TBCE: variants seen among roughly 807,000 people sequenced by gnomAD.
TBCE encodes the protein tubulin folding cofactor E.
Under a neutral mutation model 77.0 loss-of-function variants are expected in TBCE, and 53 were observed. The ratio of observed to expected loss-of-function variants is 0.69; its 90% CI spans 0.55 to 0.87. The LOEUF (loss-of-function observed/expected upper bound fraction) is 0.87, where lower values mean the gene tolerates loss of function less well. Ranked by LOEUF, TBCE falls within the 40% of genes least tolerant of loss-of-function variation. TBCE has a pLI of 0.00. For synonymous variants in TBCE, 235 were observed against 241.3 expected (o/e 0.97, Z 0.24); for missense variants, 624 against 622.4 (o/e 1.00, Z -0.03).
intron 3 of TBCE, among the ~76,000 whole-genome samples, 183 bp downstream of exon 3, chr1:235,401,770 CCTT>C (rs1392537129): frequency 6.7e-6 from 1 of 148,586 alleles, no homozygotes; most frequent in African/African-American, 2.5e-5. Flanking sequence ...AGCATTTTTC[CCTT>C]TTTTAAAAAA....
intron 15 of TBCE, among the ~76,000 whole-genome samples, 166 bp from the exon 16 acceptor site, chr1:235,448,183 G>C (rs899105958): frequency 1.8e-4 from 24 of 134,230 alleles, no homozygotes; most frequent in African/African-American, 6.5e-4. Flanking sequence ...CTGGGCGACA[G>C]AGCAAGACTT....
At chr1:235,372,249 G>A (rs1677016167) in intron 1 of TBCE, among the ~76,000 whole-genome samples, 1 of 151,988 alleles carries the variant, frequency 6.6e-6, no homozygotes, top group African/African-American at 2.4e-5. Flanking sequence ...GTTGCAACGG[G>A]ATTTCACCAT....
chr1:235,379,614 A>G (rs540918842), intron 1 of TBCE, among the ~76,000 whole-genome samples: 1 of 151,884 alleles, frequency 6.6e-6, no homozygotes, highest in Non-Finnish European at 1.5e-5. Context: ...ATCACCCTCT[A>G]TAGGCACTTT....
chr1:235,405,031 C>T (rs190346247), intron 3 of TBCE, among the ~76,000 whole-genome samples: 19 of 150,866 alleles, frequency 1.3e-4, no homozygotes, highest in Admixed American at 8.6e-4. Context: ...GGCACAACCT[C>T]GGCTCACTGC....
chr1:235,437,266 T>C lies in TBCE; in HGVS notation c.964-56T>C. The C allele has an allele frequency of 5.0e-6, 8 of 1,612,138 alleles. No individual in the cohort carries two copies. In the East Asian group the frequency reaches 1.3e-4, roughly 27 times the overall value. On this transcript the variant is annotated intron_variant, in intron 11 of 16. Transcript: ENST00000642610. ...CTTTCCTGTTGCTGGTTCAAACTTC[T>C]GCAAAAGTGGCATGAACGTACCGCT...
At position 235,451,227 on chromosome 1, in the gene TBCE, T is replaced by A. The variant is rs529202863; in HGVS notation, c.*2465T>A. On this transcript the variant is annotated 3_prime_UTR_variant, in exon 17 of 17. Transcript: ENST00000642610. ...CACACTCAGCTTGTCTGTCTCAGTC[T>A]TGCCCCTCAGTGGGATGGAAAGGAG... The A allele has an allele frequency of 5.9e-5, 9 of 152,182 alleles. No homozygotes were observed. Among genetic ancestry groups the A allele is most frequent in the Non-Finnish European group, 1.2e-4 (8 of 68,110 alleles). The allele number at this position is 152,182 out of a possible 1,614,324, so 9.4% of individuals were successfully genotyped here. A position where few individuals can be genotyped will look rare whatever the true frequency, so the allele number is the denominator to read the frequency against.
chr1:235,449,979 C>A lies in TBCE; in HGVS notation c.*1217C>A. The A allele has an allele frequency of 5.1e-6, 2 of 393,454 alleles. No homozygotes were observed. Among genetic ancestry groups the A allele is most frequent in the East Asian group, 8.0e-5 (2 of 24,890 alleles). 24.4% of individuals were successfully genotyped at this position (393,454 alleles called of 1,614,324 possible). Reference sequence around the variant, plus strand: ...AATAACTTGGTATTTTTCTGATAATCTTCCAATAGATAAATAAAAACTTTT... The same window carrying A: ...AATAACTTGGTATTTTTCTGATAATATTCCAATAGATAAATAAAAACTTTT... On this transcript the variant is annotated 3_prime_UTR_variant, in exon 17 of 17. Transcript: ENST00000642610.
intron 4 of TBCE, chr1:235,415,797 T>C (rs1680074910): frequency 6.6e-6 from 1 of 152,132 alleles, no homozygotes; most frequent in Admixed American, 6.6e-5. Context: ...TAAAACAAGA[T>C]ACCTTTATTG....
At chr1:235,420,850 T>G (rs536243932) in intron 5 of TBCE, among the ~76,000 whole-genome samples, 1 of 152,326 alleles carries the variant, frequency 6.6e-6, no homozygotes, top group East Asian at 1.9e-4. Context: ...GGTCACGAAC[T>G]CCTGACCTCA....
chr1:235,434,242 A>C lies in TBCE; in HGVS notation c.699A>C (p.Glu233Asp). Residue 233 changes from glutamate to aspartate, a missense_variant, in exon 8 of 17, where the codon GAA becomes GAC. Coordinates refer to ENST00000642610, the MANE Select transcript of TBCE (RefSeq NM_003193.5). Reference sequence around the variant, plus strand: ...TCGCGGGGTGCCCAGGCCTGGAGGAACTCTACCTTGAGTCTAACAACATTT... The same window carrying C: ...TCGCGGGGTGCCCAGGCCTGGAGGACCTCTACCTTGAGTCTAACAACATTT... ...RCVAGCPGLE[E>D]LYLESNNIFI... The C allele has an allele frequency of 1.2e-6, 2 of 1,614,102 alleles. No individual in the cohort carries two copies. The highest frequency in any genetic ancestry group is 8.5e-7 in the Non-Finnish European group (1 of 1,180,026).
intron 15 of TBCE, among the ~76,000 whole-genome samples, chr1:235,443,854 C>T (rs1245138569): frequency 6.6e-6 from 1 of 152,136 alleles, no homozygotes; most frequent in African/African-American, 2.4e-5. Flanking sequence ...AATAAATATG[C>T]TTGTGTCAAT....
chr1:235,379,659 C>G (rs1677502463), intron 1 of TBCE, among the ~76,000 whole-genome samples: 1 of 151,742 alleles, frequency 6.6e-6, no homozygotes, highest in Non-Finnish European at 1.5e-5. Flanking sequence ...CTTGAACCTT[C>G]TCTTATAGGC....
At position 235,380,157 on chromosome 1, in the gene TBCE, A is replaced by G; in HGVS notation, c.100+8A>G. The G allele has an allele frequency of 6.6e-7, 1 of 1,504,680 alleles. No homozygotes were observed. The highest frequency in any genetic ancestry group is 9.2e-7 in the Non-Finnish European group (1 of 1,091,566). 93.2% of individuals were successfully genotyped at this position (1,504,680 alleles called of 1,614,324 possible). ...TTGTCCCTCCCGTGGCAGGTAAGCA[A>G]TTATTGTGTGTGTGTGTGTGTGTGT... On this transcript the variant is annotated splice_region_variant and intron_variant, in intron 2 of 16. Coordinates refer to ENST00000642610, the MANE Select transcript of TBCE (RefSeq NM_003193.5).
chr1:235,413,420 G>A (rs1240655610), intron 3 of TBCE, among the ~76,000 whole-genome samples: 1 of 151,820 alleles, frequency 6.6e-6, no homozygotes, highest in East Asian at 1.9e-4. Context: ...CCAGCACTTT[G>A]GGAGGTCAAG....
intron 15 of TBCE, among the ~76,000 whole-genome samples, chr1:235,446,854 T>TTTTA (rs1349618415): frequency 6.6e-6 from 1 of 152,040 alleles, no homozygotes; most frequent in African/African-American, 2.4e-5. Context: ...TTGGCTAATT[T>TTTTA]TTTATTTTTT....
rs186080456 is a variant in TBCE, at chr1:235,369,544, G to A, written c.-32+2040G>A. On this transcript the variant is annotated intron_variant, in intron 1 of 16. Transcript: ENST00000642610. ...AAAACAAAAAAAACAAAAACTGGCT[G>A]GGCGCAGTGGCTCAAGCCTGTAATC... Among the ~76,000 whole-genome samples the A allele has an allele frequency of 3.7e-3, 555 of 151,326 alleles. 5 individuals are homozygous for A. The highest frequency in any genetic ancestry group is 0.013 in the African/African-American group (537 of 41,224).
In TBCE at chr1:235,401,427, G is replaced by A. The variant is rs1679094354; in HGVS notation, c.101-76G>A. The A allele has an allele frequency of 2.4e-5, 30 of 1,237,422 alleles. 1 individual carries two copies. In the South Asian group the frequency reaches 3.6e-4, roughly 15 times the overall value. 76.7% of individuals were successfully genotyped at this position (1,237,422 alleles called of 1,614,324 possible). On this transcript the variant is annotated intron_variant, in intron 2 of 16. Coordinates refer to ENST00000642610, the MANE Select transcript of TBCE (RefSeq NM_003193.5). ...TGTGATATGGTTTCCGCTGCAAATT[G>A]GTATTTGCTTGCAGAAAACTGGAGC...
chr1:235,441,362 T>A (rs2102936849), intron 13 of TBCE: 1 of 242,546 alleles, frequency 4.1e-6, no homozygotes, highest in African/African-American at 2.3e-5. Flanking sequence ...ACGTGAGAAG[T>A]GTCCTGTGGA....
intron 2 of TBCE, among the ~76,000 whole-genome samples, chr1:235,395,834 C>T (rs1464866538): frequency 2.0e-5 from 3 of 152,024 alleles, no homozygotes; most frequent in Admixed American, 6.6e-5. Flanking sequence ...CATGAGCCAC[C>T]GTGCCCAGCC....
Sources: allele counts gnomAD v4.1 joint callset (sites outside exome capture counted in the v4.1 genomes callset), GRCh38; gene constraint gnomAD v4.1.1; transcripts MANE v1.5; gene names NCBI Gene and HGNC (gene_info 2026-07-23, HGNC 2026-07-21).